Variants in PTPRQ observed in about 807,000 individuals in gnomAD.
PTPRQ encodes protein tyrosine phosphatase receptor type Q.
A neutral mutation model predicts 246.0 loss-of-function variants in PTPRQ; 199 were observed. That is an observed-to-expected ratio of 0.81 (90% CI 0.72 to 0.91). The LOEUF (loss-of-function observed/expected upper bound fraction) is 0.91, where lower values mean the gene tolerates loss of function less well. Among genes scored for constraint, PTPRQ ranks in the 40% least tolerant of loss-of-function variants. The pLI, the probability that PTPRQ is intolerant of heterozygous loss-of-function variation, is 0.00. For synonymous variants in PTPRQ, 869 were observed against 853.2 expected, an observed-to-expected ratio of 1.02 and a Z score of -0.32; for missense variants, 2,624 against 2,528.4, an observed-to-expected ratio of 1.04 and a Z score of -0.81.
intron 20 of PTPRQ, among the ~76,000 whole-genome samples, chr12:80,541,242 G>T (rs1896141877): frequency 6.6e-6 from 1 of 151,842 alleles, no homozygotes; most frequent in Admixed American, 6.6e-5. Flanking sequence ...AAATAAGGCA[G>T]TATACATACA....
rs543902833 is a variant in PTPRQ at position 80,607,884 on chromosome 12, A to G, written c.4732-2555A>G. Reference sequence around the variant, plus strand: ...AAATTGTTATGAGTAGCTTCTGTGCATCAAGACAAGGATGAAAAACATAAA... The same window carrying G: ...AAATTGTTATGAGTAGCTTCTGTGCGTCAAGACAAGGATGAAAAACATAAA... On this transcript the variant is annotated intron_variant, in intron 27 of 44. Transcript: ENST00000644991. Among the ~76,000 whole-genome samples the G allele has an allele frequency of 1.5e-4, 22 of 150,924 alleles. No homozygotes were observed. In the South Asian group the frequency reaches 3.7e-3, roughly 26 times the overall value.
intron 4 of PTPRQ, 83 bp from the exon 5 acceptor site, chr12:80,459,201 A>G (rs1311984328): frequency 2.5e-6 from 1 of 396,942 alleles, no homozygotes; most frequent in East Asian, 3.6e-5. Context: ...TATATATTTA[A>G]TTTCATGTAC....
At chr12:80,549,093 A>T (rs528712257) in intron 24 of PTPRQ, among the ~76,000 whole-genome samples, 71 of 152,260 alleles carry the variant, frequency 4.7e-4, no homozygotes, top group African/African-American at 1.6e-3. Flanking sequence ...TTGCATAAAA[A>T]TGTTCCATAA....
At chr12:80,454,203 G>GT (rs1491502432) in intron 3 of PTPRQ, among the ~76,000 whole-genome samples, 1 of 147,942 alleles carries the variant, frequency 6.8e-6, no homozygotes, top group Non-Finnish European at 1.5e-5. Context: ...CTGGTGTGCC[G>GT]TTTTTTAAGC....
chr12:80,633,932 A>G (rs1427289256), intron 34 of PTPRQ, among the ~76,000 whole-genome samples: 1 of 152,178 alleles, frequency 6.6e-6, no homozygotes, highest in Non-Finnish European at 1.5e-5. Flanking sequence ...CTCACTAGCT[A>G]AAGAGATCTA....
In PTPRQ at chr12:80,471,635, G is replaced by C. The variant is rs866540424; in HGVS notation, c.1040-470G>C. ...TGGGACTACAGGCGCGCGCCACTAC[G>C]CCCGGCTAATTTTTTGTATTTTTAG... On this transcript the variant is annotated intron_variant, in intron 7 of 44. Coordinates refer to ENST00000644991, the MANE Select transcript of PTPRQ (RefSeq NM_001145026.2). Among the ~76,000 whole-genome samples, 312 of 136,562 alleles carry C rather than the reference G, an allele frequency of 2.3e-3. 4 individuals carry two copies. The highest frequency in any genetic ancestry group is 8.1e-3 in the African/African-American group (295 of 36,206). The allele number at this position is 136,562 out of a possible 152,430, so 89.6% of individuals were successfully genotyped here. A position where few individuals can be genotyped will look rare whatever the true frequency, so the allele number is the denominator to read the frequency against.
At chr12:80,655,841 C>T (rs999902819) in intron 38 of PTPRQ, among the ~76,000 whole-genome samples, 1 of 152,036 alleles carries the variant, frequency 6.6e-6, no homozygotes, top group Non-Finnish European at 1.5e-5. Context: ...GTTTCTCTCC[C>T]CTGAGTAATG....
chr12:80,611,471 T>C (rs149449200), intron 28 of PTPRQ, among the ~76,000 whole-genome samples: 6 of 150,462 alleles, frequency 4.0e-5, no homozygotes, highest in African/African-American at 1.5e-4. Context: ...GTAAATTTTA[T>C]TATCAGCATC....
At chr12:80,662,678 G>A (rs1427791521) in intron 39 of PTPRQ, among the ~76,000 whole-genome samples, 1 of 151,830 alleles carries the variant, frequency 6.6e-6, no homozygotes, top group Non-Finnish European at 1.5e-5. Flanking sequence ...CATTTTCCTG[G>A]CTGATAATCC....
At chr12:80,453,098 C>G (rs949594265) in intron 3 of PTPRQ, among the ~76,000 whole-genome samples, 1 of 152,058 alleles carries the variant, frequency 6.6e-6, no homozygotes, top group Non-Finnish European at 1.5e-5. Flanking sequence ...CTTCCCTTCT[C>G]ACTTCATTTC....
intron 35 of PTPRQ, among the ~76,000 whole-genome samples, chr12:80,648,305 G>A (rs193030761): frequency 1.3e-4 from 20 of 152,106 alleles, no homozygotes; most frequent in African/African-American, 4.1e-4. Context: ...CTAAGTTTGT[G>A]TATGTTGTGT....
At chr12:80,652,976 A>T (rs1379228506) in intron 38 of PTPRQ, 142 bp downstream of exon 38, 16 of 1,027,710 alleles carry the variant, frequency 1.6e-5, no homozygotes, top group Non-Finnish European at 1.9e-5. Context: ...CTACCAAATT[A>T]TATATCTTTT....
chr12:80,679,073 C>T lies in PTPRQ; in HGVS notation c.*50C>T, dbSNP rs764150283. ...GGAAGAGATTTTTAAATCCCAGGGGCCAAAGTTACCCCCTCATTCTTCCGA... is the reference window on the plus strand; with the variant it reads ...GGAAGAGATTTTTAAATCCCAGGGGTCAAAGTTACCCCCTCATTCTTCCGA... On this transcript the variant is annotated 3_prime_UTR_variant, in exon 45 of 45. Coordinates refer to ENST00000644991, the MANE Select transcript of PTPRQ (RefSeq NM_001145026.2). 1.3e-6 allele frequency: 2 copies of T among 1,529,446 alleles called. No individual in the cohort carries two copies. Among genetic ancestry groups the T allele is most frequent in the Non-Finnish European group, 1.8e-6 (2 of 1,138,036 alleles). The allele number at this position is 1,529,446 out of a possible 1,614,324, so 94.7% of individuals were successfully genotyped here.
At chr12:80,581,415 C>G (rs1443142017) in intron 25 of PTPRQ, among the ~76,000 whole-genome samples, 1 of 152,094 alleles carries the variant, frequency 6.6e-6, no homozygotes, top group Non-Finnish European at 1.5e-5. Context: ...GTGGGCAGAT[C>G]AGTTGAGCCC....
In PTPRQ at chr12:80,462,073, T is replaced by G. The variant is rs531067139; in HGVS notation, c.910+1171T>G. 10 of 681,464 alleles carry G rather than the reference T, an allele frequency of 1.5e-5. No individual in the cohort carries two copies. In the South Asian group the frequency reaches 1.5e-4, roughly 10 times the overall value. 42.2% of individuals were successfully genotyped at this position (681,464 alleles called of 1,614,324 possible). A position where few individuals can be genotyped will look rare whatever the true frequency, so the allele number is the denominator to read the frequency against. Reference sequence around the variant, plus strand: ...AAGCAGGGCGAGGCATTGCCTCACTTGGGGAGCACAAGGGGTCAGGGAGTT... The same window carrying G: ...AAGCAGGGCGAGGCATTGCCTCACTGGGGGAGCACAAGGGGTCAGGGAGTT... On this transcript the variant is annotated intron_variant, in intron 6 of 44. Coordinates refer to ENST00000644991, the MANE Select transcript of PTPRQ (RefSeq NM_001145026.2).
chr12:80,544,830 T>C (rs1217886714), intron 23 of PTPRQ, among the ~76,000 whole-genome samples: 1 of 152,140 alleles, frequency 6.6e-6, no homozygotes, highest in Non-Finnish European at 1.5e-5. Flanking sequence ...TGTGCATTTG[T>C]GGAGGTAGAA....
intron 8 of PTPRQ, among the ~76,000 whole-genome samples, chr12:80,479,941 A>G (rs1201548813): frequency 6.6e-6 from 1 of 151,740 alleles, no homozygotes; most frequent in Non-Finnish European, 1.5e-5. Context: ...TTAACACCCC[A>G]CTGTCAACAT....
At chr12:80,539,470 C>A (rs1180575910) in intron 19 of PTPRQ, among the ~76,000 whole-genome samples, 2 of 152,084 alleles carry the variant, frequency 1.3e-5, no homozygotes, top group African/African-American at 4.8e-5. Context: ...GAAAGTGATG[C>A]TGATCAGCAC....
chr12:80,622,254 AT>A (rs1490018079), intron 33 of PTPRQ, 120 bp downstream of exon 33: 2 of 857,894 alleles, frequency 2.3e-6, no homozygotes, highest in Non-Finnish European at 3.2e-6. Context: ...TTAAATGTTA[AT>A]TAGCCTCTCT....
Sources: allele counts gnomAD v4.1 joint callset (sites outside exome capture counted in the v4.1 genomes callset), GRCh38; gene constraint gnomAD v4.1.1; transcripts MANE v1.5; gene names NCBI Gene and HGNC (gene_info 2026-07-23, HGNC 2026-07-21).